SMAP2: variants seen among roughly 807,000 people sequenced by gnomAD.
SMAP2 encodes stromal membrane-associated protein 2.
In SMAP2, 25 loss-of-function variants were observed where a neutral mutation model predicts 56.4. The ratio of observed to expected loss-of-function variants is 0.44; its 90% confidence interval spans 0.32 to 0.62. The LOEUF (loss-of-function observed/expected upper bound fraction) is 0.62. SMAP2 is among the 20% of genes least tolerant of loss of function. The probability of loss-of-function intolerance (pLI) is 0.04; values close to 1 mark genes in which losing one functional copy is unlikely to be tolerated. For synonymous variants in SMAP2, 157 were observed against 181.7 expected (o/e 0.86, Z 1.09); for missense variants, 388 against 545.6 (o/e 0.71, Z 2.88).
At chr1:40,352,261 C>T (rs369878247) in intron 1 of SMAP2, among the ~76,000 whole-genome samples, 2 of 152,230 alleles carry the variant, frequency 1.3e-5, no homozygotes, top group East Asian at 3.9e-4. Flanking sequence ...GGAGTTCAAC[C>T]TTCTCAGCAC....
rs886914468 is a variant in SMAP2, at chr1:40,386,543, C to G, written c.103+12320C>G. Among the ~76,000 whole-genome samples, 1 of 152,188 alleles carries G rather than the reference C, an allele frequency of 6.6e-6. No homozygotes were observed. The highest frequency in any genetic ancestry group is 1.5e-5 in the Non-Finnish European group (1 of 68,036). On this transcript the variant is annotated intron_variant, in intron 1 of 9. Coordinates refer to ENST00000372718, the MANE Select transcript of SMAP2 (RefSeq NM_022733.3). This position sits in a 1 kb window ranked among gnomAD's most constrained non-coding sequence, Gnocchi z 4.1. ...TAGTCTCGACAGAAGTAGCCTGACA[C>G]AAGTGGCTCAGATCAAGGGTCCATA...
At chr1:40,393,372 C>G in intron 1 of SMAP2, 1 of 1,535,194 alleles carries the variant, frequency 6.5e-7, no homozygotes, top group South Asian at 1.2e-5. Flanking sequence ...GCAGGAGAGG[C>G]AGCAGAGCGC....
At chr1:40,360,446 G>A (rs915947559) in intron 1 of SMAP2, among the ~76,000 whole-genome samples, 3 of 151,946 alleles carry the variant, frequency 2.0e-5, no homozygotes, top group Admixed American at 6.6e-5. Flanking sequence ...GGGATTACAG[G>A]TACCCACTAC....
At chr1:40,350,461 A>G (rs955497912) in intron 1 of SMAP2, among the ~76,000 whole-genome samples, 2 of 152,236 alleles carry the variant, frequency 1.3e-5, no homozygotes, top group Non-Finnish European at 2.9e-5. Flanking sequence ...GAGAACTTCC[A>G]GAACAGAAGA....
chr1:40,421,948 G>A (rs763666550), intron 9 of SMAP2, 28 bp from the exon 10 acceptor site: 16 of 1,613,896 alleles, frequency 9.9e-6, no homozygotes, highest in Non-Finnish European at 1.3e-5. Flanking sequence ...CCACAGCCTG[G>A]TCTGAAAGTC....
At chr1:40,383,441 C>T (rs1569854418) in intron 1 of SMAP2, among the ~76,000 whole-genome samples, 3 of 152,146 alleles carry the variant, frequency 2.0e-5, no homozygotes, top group South Asian at 2.1e-4. Context: ...GGGATCCCAG[C>T]GCAAACAGGC....
At position 40,408,325 on chromosome 1, in the gene SMAP2, C is replaced by A. The variant is rs1286238034; in HGVS notation, c.238-328C>A. Among the ~76,000 whole-genome samples, 1 of 152,106 alleles carries A rather than the reference C, an allele frequency of 6.6e-6. No homozygotes were observed. Among genetic ancestry groups the A allele is most frequent in the Non-Finnish European group, 1.5e-5 (1 of 68,014 alleles). On this transcript the variant is annotated intron_variant, in intron 2 of 9. Coordinates refer to ENST00000372718, the MANE Select transcript of SMAP2 (RefSeq NM_022733.3). This position sits in a 1 kb window ranked among gnomAD's most constrained non-coding sequence, Gnocchi z 4.3. The stretch of plus-strand genomic sequence containing the variant: ...GAATGATAACACTGATCATTGCCTG[C>A]CAAGTAGACATTTTAATTGGTAGCT...
At chr1:40,406,296 C>A (rs1219316248) in intron 1 of SMAP2, among the ~76,000 whole-genome samples, 1 of 152,144 alleles carries the variant, frequency 6.6e-6, no homozygotes, top group Non-Finnish European at 1.5e-5. Context: ...TATTAGCAGA[C>A]ACTGTAAAAA....
At chr1:40,383,464 G>A (rs1644619822) in intron 1 of SMAP2, among the ~76,000 whole-genome samples, 1 of 152,178 alleles carries the variant, frequency 6.6e-6, no homozygotes, top group South Asian at 2.1e-4. Context: ...AGACACAAAG[G>A]CACTGAATTC....
At position 40,406,885 on chromosome 1, in the gene SMAP2, G is replaced by T; in HGVS notation, c.237+16G>T. 6.2e-7 allele frequency: 1 copy of T among 1,603,566 alleles called. No homozygotes were observed. Among genetic ancestry groups the T allele is most frequent in the Non-Finnish European group, 8.5e-7 (1 of 1,172,822 alleles). Reference sequence around the variant, plus strand: ...ACAGATTCAGGTACTTAGCCCAAGAGTGAGTCAGCTGCTTCCATATATCTA... The same window carrying T: ...ACAGATTCAGGTACTTAGCCCAAGATTGAGTCAGCTGCTTCCATATATCTA... On this transcript the variant is annotated intron_variant, in intron 2 of 9. Coordinates refer to ENST00000372718, the MANE Select transcript of SMAP2 (RefSeq NM_022733.3).
chr1:40,349,065 T>C (rs940716802), intron 1 of SMAP2, among the ~76,000 whole-genome samples: 6 of 152,210 alleles, frequency 3.9e-5, no homozygotes, highest in African/African-American at 1.4e-4. Context: ...CCACCATGCC[T>C]GGCCTCATTT....
chr1:40,346,732 C>G (rs200726868), intron 1 of SMAP2, among the ~76,000 whole-genome samples: 1 of 148,662 alleles, frequency 6.7e-6, no homozygotes, highest in African/African-American at 2.5e-5. Flanking sequence ...AAAAAAAAAA[C>G]TTTTAACCAA....
In SMAP2 at chr1:40,374,611, G is replaced by T; in HGVS notation, c.103+388G>T. 7.1e-7 allele frequency: 1 copy of T among 1,403,424 alleles called. No homozygotes were observed. Among genetic ancestry groups the T allele is most frequent in the Non-Finnish European group, 9.8e-7 (1 of 1,015,550 alleles). 86.9% of individuals were successfully genotyped at this position (1,403,424 alleles called of 1,614,324 possible). A position where few individuals can be genotyped will look rare whatever the true frequency, so the allele number is the denominator to read the frequency against. ...TGCGTGCGTGCGTGTGTGTGTGTGT[G>T]TGTGTGTGTGTGTGAGAGAGAGAGA... On this transcript the variant is annotated intron_variant, in intron 1 of 9. Transcript: ENST00000372718. This position sits in a 1 kb window ranked among gnomAD's most constrained non-coding sequence, Gnocchi z 5.9.
At position 40,374,101 on chromosome 1, in the gene SMAP2, C is replaced by T. The variant is rs1011887432; in HGVS notation, c.-20C>T. On this transcript the variant is annotated 5_prime_UTR_variant, in exon 1 of 10. Transcript: ENST00000372718. This position sits in a 1 kb window ranked among gnomAD's most constrained non-coding sequence, Gnocchi z 5.9. The stretch of plus-strand genomic sequence containing the variant: ...GGCGAGGAGGGCGCGTCGCCCTCTG[C>T]CCCCGCCGGCACCCTGGCCATGACA... 3 of 1,598,546 alleles carry T rather than the reference C, an allele frequency of 1.9e-6. No individual in the cohort carries two copies. Among genetic ancestry groups the T allele is most frequent in the Non-Finnish European group, 2.6e-6 (3 of 1,170,696 alleles).
rs2124371571 is a variant in SMAP2, at chr1:40,416,226, T to C, written c.732T>C (p.Asn244=). The change falls in exon 8 of 10, where the codon AAT becomes AAC. Residue 244 remains asparagine (N), a synonymous_variant. Transcript: ENST00000372718. ...GGAGTGCCGGCTCTGTTCCTGAAAA[T>C]CTGAACCTGTTTCCGGAGCCAGGGA... is the stretch of plus-strand genomic sequence containing the variant. ...TAGSAGSVPE[N]LNLFPEPGSK... 1 of 1,613,876 alleles carries C rather than the reference T, an allele frequency of 6.2e-7. No individual in the cohort carries two copies. The highest frequency in any genetic ancestry group is 8.5e-7 in the Non-Finnish European group (1 of 1,179,976).
intron 1 of SMAP2, among the ~76,000 whole-genome samples, chr1:40,382,630 A>G (rs561317281): frequency 7.9e-5 from 12 of 152,376 alleles, no homozygotes; most frequent in African/African-American, 2.9e-4. Flanking sequence ...AAAAGGTAAG[A>G]ACCAAGTCTT....
Position 40,414,183 on chromosome 1 carries a change from C to T in SMAP2, c.514C>T (p.Leu172=). ...GCCACAGAAAAAAGAAGACCCACAGCTACCTCGGAAAAGCTCCCCGAAATC... is the reference window on the plus strand; with the variant it reads ...GCCACAGAAAAAAGAAGACCCACAGTTACCTCGGAAAAGCTCCCCGAAATC... The part of the protein sequence containing the change: ...KMPQKKEDPQ[L]PRKSSPKSTA... The change falls in exon 6 of 10, where the codon CTA becomes TTA. Residue 172 remains leucine (L), a synonymous_variant. Transcript: ENST00000372718. 1 of 1,614,168 alleles carries T rather than the reference C, an allele frequency of 6.2e-7. No individual in the cohort carries two copies. The highest frequency in any genetic ancestry group is 2.2e-5 in the East Asian group (1 of 44,888).
chr1:40,365,683 A>C (rs942318903), intron 2 of SMAP2, among the ~76,000 whole-genome samples: 1 of 152,200 alleles, frequency 6.6e-6, no homozygotes, highest in Non-Finnish European at 1.5e-5. Context: ...AAGGACATCC[A>C]CACCAAAAAC....
rs145678957 is a variant in SMAP2, at chr1:40,351,794, G to A, written c.-83+6884G>A. ...TGGGAGTACAGGGGTGAGCCACCGCGCTCAGCCTATTTTAATTTTTTTTAA... is the reference window on the plus strand; with the variant it reads ...TGGGAGTACAGGGGTGAGCCACCGCACTCAGCCTATTTTAATTTTTTTTAA... On this transcript the variant is annotated intron_variant, in intron 1 of 6. Transcript: ENST00000435168. Among the ~76,000 whole-genome samples the A allele has an allele frequency of 1.8e-3, 276 of 151,978 alleles. 1 individual carries two copies. The highest frequency in any genetic ancestry group is 6.1e-3 in the African/African-American group (251 of 41,452).
Sources: gnomAD v4.1 joint callset for allele counts (sites outside exome capture counted in the v4.1 genomes callset) on GRCh38, gnomAD v4.1.1 for gene constraint, Gnocchi (gnomAD v3.1) non-coding constraint, MANE v1.5 for transcripts, NCBI Gene and HGNC (gene_info 2026-07-23, HGNC 2026-07-21) for gene names.